Variants in OSBPL3 observed in about 807,000 individuals in gnomAD.
The protein encoded by OSBPL3 is oxysterol binding protein like 3.
Under a neutral mutation model 120.1 loss-of-function variants are expected in OSBPL3, and 65 were observed. The ratio of observed to expected loss-of-function variants is 0.54; its 90% CI spans 0.44 to 0.67. OSBPL3 has a LOEUF of 0.67. Ranked by LOEUF, OSBPL3 falls within the 30% of genes least tolerant of loss-of-function variation. OSBPL3 has a pLI of 0.00. For missense variants in OSBPL3, 1,004 were observed against 1,082.1 expected (o/e 0.93, Z 1.01); for synonymous variants, 416 against 402.6 (o/e 1.03, Z -0.40).
rs930143136 is a variant in OSBPL3, at chr7:24,968,938, T to C, written c.-150+10948A>G. Among the ~76,000 whole-genome samples, 1 of 152,238 alleles carries C rather than the reference T, an allele frequency of 6.6e-6. No homozygotes were observed. Among genetic ancestry groups the C allele is most frequent in the Non-Finnish European group, 1.5e-5 (1 of 68,048 alleles). ...AAATTAAGTTACTTGCAATCTGGTATTTATTCAAATACTCCAAGAAACAAT... is the reference window on the plus strand; with the variant it reads ...AAATTAAGTTACTTGCAATCTGGTACTTATTCAAATACTCCAAGAAACAAT... On this transcript the variant is annotated intron_variant, in intron 1 of 22. Transcript: ENST00000313367. This position sits in a 1 kb window ranked among gnomAD's most constrained non-coding sequence, Gnocchi z 4.6.
In OSBPL3 at chr7:24,885,050, G is replaced by A. The variant is rs1271701067; in HGVS notation, c.96+7327C>T. 2.0e-5 allele frequency among the ~76,000 whole-genome samples: 3 copies of A among 152,086 alleles called. No homozygotes were observed. The East Asian group carries it at 5.8e-4, about 29-fold the overall frequency. The stretch of plus-strand genomic sequence containing the variant: ...TGTAATCCCAGCACTTTGGTAGGCC[G>A]AAGGGGGTGGATCACCTGAGGGCAT... On this transcript the variant is annotated intron_variant, in intron 2 of 22. Transcript: ENST00000313367.
intron 2 of OSBPL3, among the ~76,000 whole-genome samples, chr7:24,882,972 A>G (rs1326542028): frequency 6.6e-6 from 1 of 152,132 alleles, no homozygotes; most frequent in Non-Finnish European, 1.5e-5. Context: ...TATTCTGGAT[A>G]TTAGTTCCCT....
intron 1 of OSBPL3, among the ~76,000 whole-genome samples, chr7:24,921,528 T>TA (rs1227753311): frequency 6.6e-6 from 1 of 152,178 alleles, no homozygotes; most frequent in Non-Finnish European, 1.5e-5. Flanking sequence ...CACTTAAAGC[T>TA]AAACACGCCT....
chr7:24,909,002 T>C (rs1288357597), intron 1 of OSBPL3, among the ~76,000 whole-genome samples: 1 of 152,234 alleles, frequency 6.6e-6, no homozygotes, highest in African/African-American at 2.4e-5. Flanking sequence ...ATGGTCTACC[T>C]TTCCCCAAAA....
rs1816685514 is a variant in OSBPL3, at chr7:24,968,834, C to T, written c.-150+11052G>A. Among the ~76,000 whole-genome samples, 1 of 152,172 alleles carries T rather than the reference C, an allele frequency of 6.6e-6. No individual in the cohort carries two copies. Among genetic ancestry groups the T allele is most frequent in the Non-Finnish European group, 1.5e-5 (1 of 68,040 alleles). The stretch of plus-strand genomic sequence containing the variant: ...TTTCTTAACTTCACAATAAATCTCA[C>T]ATATCATTCCATATCAGAAAATGTA... On this transcript the variant is annotated intron_variant, in intron 1 of 22. Coordinates refer to ENST00000313367, the MANE Select transcript of OSBPL3 (RefSeq NM_015550.4). The surrounding 1 kb of genome is among the most constrained non-coding windows in gnomAD (Gnocchi z 4.6).
intron 1 of OSBPL3, among the ~76,000 whole-genome samples, chr7:24,914,271 A>T (rs1809244964): frequency 6.6e-6 from 1 of 151,878 alleles, no homozygotes; most frequent in Admixed American, 6.6e-5. Flanking sequence ...ATTGGACAGC[A>T]GAGCCAGTAT....
rs370235398 is a variant in OSBPL3, at chr7:24,827,799, T to C, written c.1884+2969A>G. ...ATGATCAGGACTGGTGGTATGACCA[T>C]GGTGAAGCCAGCTGTGAGAACTCCT... On this transcript the variant is annotated intron_variant, in intron 16 of 22. Coordinates refer to ENST00000313367, the MANE Select transcript of OSBPL3 (RefSeq NM_015550.4). This position sits in a 1 kb window ranked among gnomAD's most constrained non-coding sequence, Gnocchi z 5.1. Among the ~76,000 whole-genome samples the C allele has an allele frequency of 6.6e-6, 1 of 152,192 alleles. No homozygotes were observed. The highest frequency in any genetic ancestry group is 1.5e-5 in the Non-Finnish European group (1 of 68,032).
chr7:24,893,755 G>T (rs1214134762), intron 1 of OSBPL3, among the ~76,000 whole-genome samples: 1 of 136,014 alleles, frequency 7.4e-6, no homozygotes, highest in East Asian at 2.5e-4. Context: ...GGGCGGGGGG[G>T]ACGGGGGGGT....
rs1337852797 is a variant in OSBPL3, at chr7:24,955,024, GGT to G, written c.-150+24860_-150+24861del. ...GCCTCAAAGATCCATAATGTGCCTT[GGT>G]TACCTCTTGATTCTCAGTATCTGAC... On this transcript the variant is annotated intron_variant, in intron 1 of 22. Coordinates refer to ENST00000313367, the MANE Select transcript of OSBPL3 (RefSeq NM_015550.4). This position sits in a 1 kb window ranked among gnomAD's most constrained non-coding sequence, Gnocchi z 4.3. Among the ~76,000 whole-genome samples the G allele has an allele frequency of 1.3e-5, 2 of 152,070 alleles. No homozygotes were observed. Among genetic ancestry groups the G allele is most frequent in the Non-Finnish European group, 1.5e-5 (1 of 68,022 alleles).
Position 24,796,824 on chromosome 7 carries a change from C to T in OSBPL3, c.*3359G>A, listed in dbSNP as rs1433538162. On this transcript the variant is annotated 3_prime_UTR_variant, in exon 23 of 23. Coordinates refer to ENST00000313367, the MANE Select transcript of OSBPL3 (RefSeq NM_015550.4). The surrounding 1 kb of genome is among the most constrained non-coding windows in gnomAD (Gnocchi z 5.2). Reference sequence around the variant, plus strand: ...TCATGATTTGCAGATATTTACATGACGCAGGTTTCCAACACAGAAAAATGA... The same window carrying T: ...TCATGATTTGCAGATATTTACATGATGCAGGTTTCCAACACAGAAAAATGA... 3 of 152,126 alleles carry T rather than the reference C, an allele frequency of 2.0e-5. No individual in the cohort carries two copies. Among genetic ancestry groups the T allele is most frequent in the Non-Finnish European group, 2.9e-5 (2 of 68,036 alleles). 9.4% of individuals were successfully genotyped at this position (152,126 alleles called of 1,614,324 possible).
At chr7:24,812,361 A>G (rs1456644062) in intron 19 of OSBPL3, among the ~76,000 whole-genome samples, 1 of 151,776 alleles carries the variant, frequency 6.6e-6, no homozygotes, top group African/African-American at 2.4e-5. Context: ...CAGTTTCTAT[A>G]TATCAAGCGA....
rs35822961 is a variant in OSBPL3 at position 24,819,333 on chromosome 7, G to A, written c.1948+842C>T. On this transcript the variant is annotated intron_variant, in intron 17 of 22. Transcript: ENST00000313367. The surrounding 1 kb of genome is among the most constrained non-coding windows in gnomAD (Gnocchi z 4.1). ...ATGAGTGAGATTTACCAATTAGGAG[G>A]CTAGGAACCTTATGAGAATATTTCC... Among the ~76,000 whole-genome samples the A allele has an allele frequency of 0.1, 15,306 of 152,068 alleles. 1,224 individuals carry two copies. The highest frequency in any genetic ancestry group is 0.26 in the East Asian group (1,367 of 5,180).
In OSBPL3 at chr7:24,805,808, A is replaced by G. The variant is rs1792958038; in HGVS notation, c.2444+968T>C. On this transcript the variant is annotated intron_variant, in intron 21 of 22. Coordinates refer to ENST00000313367, the MANE Select transcript of OSBPL3 (RefSeq NM_015550.4). This position sits in a 1 kb window ranked among gnomAD's most constrained non-coding sequence, Gnocchi z 4.0. Reference sequence around the variant, plus strand: ...CCCTGCAAAATGAATTTACCTCCCTATGTCCATTTTTTCTAATGGGTTGAT... The same window carrying G: ...CCCTGCAAAATGAATTTACCTCCCTGTGTCCATTTTTTCTAATGGGTTGAT... Among the ~76,000 whole-genome samples, 1 of 152,100 alleles carries G rather than the reference A, an allele frequency of 6.6e-6. No homozygotes were observed. The highest frequency in any genetic ancestry group is 1.5e-5 in the Non-Finnish European group (1 of 68,028).
At chr7:24,887,944 G>A (rs1187469257) in intron 2 of OSBPL3, among the ~76,000 whole-genome samples, 2 of 152,132 alleles carry the variant, frequency 1.3e-5, no homozygotes, top group Non-Finnish European at 2.9e-5. Context: ...ACTTGTTTTA[G>A]GTATAGGTTA....
In OSBPL3 at chr7:24,891,865, C is replaced by A. The variant is rs75670029; in HGVS notation, c.96+512G>T. 0.014 allele frequency among the ~76,000 whole-genome samples: 2,085 copies of A among 152,260 alleles called. 46 individuals carry two copies. The highest frequency in any genetic ancestry group is 0.042 in the African/African-American group (1,752 of 41,534). On this transcript the variant is annotated intron_variant, in intron 2 of 22. Coordinates refer to ENST00000313367, the MANE Select transcript of OSBPL3 (RefSeq NM_015550.4). The surrounding 1 kb of genome is among the most constrained non-coding windows in gnomAD (Gnocchi z 4.1). ...GATATAAAGCAGGTGAGTCTCGAAG[C>A]TACTAACAGGGCAATCTGTGGTTAC...
chr7:24,834,467 G>C lies in OSBPL3; in HGVS notation c.1746+19C>G. 1 of 1,599,550 alleles carries C rather than the reference G, an allele frequency of 6.3e-7. No individual in the cohort carries two copies. The highest frequency in any genetic ancestry group is 1.1e-5 in the South Asian group (1 of 88,462). Reference sequence around the variant, plus strand: ...GGGGACCGAGGCTGGACAGTGGCAAGGGAAGGCTGACTCCTCACCATCCTT... The same window carrying C: ...GGGGACCGAGGCTGGACAGTGGCAACGGAAGGCTGACTCCTCACCATCCTT... On this transcript the variant is annotated intron_variant, in intron 15 of 22. Coordinates refer to ENST00000313367, the MANE Select transcript of OSBPL3 (RefSeq NM_015550.4). The surrounding 1 kb of genome is among the most constrained non-coding windows in gnomAD (Gnocchi z 5.2).
rs1389240342 is a variant in OSBPL3 at position 24,912,957 on chromosome 7, G to A, written c.-149-20336C>T. On this transcript the variant is annotated intron_variant, in intron 1 of 22. Transcript: ENST00000313367. The surrounding 1 kb of genome is among the most constrained non-coding windows in gnomAD (Gnocchi z 4.5). Reference sequence around the variant, plus strand: ...CCCTTCAACTCAGCCACCACGATGTGAGTAAGCTCAAGCTAGCCAACATGG... The same window carrying A: ...CCCTTCAACTCAGCCACCACGATGTAAGTAAGCTCAAGCTAGCCAACATGG... 6.6e-6 allele frequency among the ~76,000 whole-genome samples: 1 copy of A among 152,218 alleles called. No individual in the cohort carries two copies. Among genetic ancestry groups the A allele is most frequent in the African/African-American group, 2.4e-5 (1 of 41,452 alleles).
intron 12 of OSBPL3, among the ~76,000 whole-genome samples, chr7:24,845,312 TG>T (rs954655026): frequency 2.1e-5 from 3 of 143,062 alleles, no homozygotes; most frequent in Non-Finnish European, 3.0e-5. Context: ...AGAGGCTGGA[TG>T]AAGGCTGCAT....
Position 24,804,236 on chromosome 7 carries a change from T to C in OSBPL3, c.2567+79A>G, listed in dbSNP as rs1584168164. On this transcript the variant is annotated intron_variant, in intron 22 of 22. Coordinates refer to ENST00000313367, the MANE Select transcript of OSBPL3 (RefSeq NM_015550.4). This position sits in a 1 kb window ranked among gnomAD's most constrained non-coding sequence, Gnocchi z 5.4. ...GAATGCTCTTATCTGGGGACAGTAC[T>C]GTTCACTTTCTGCAAACCAGAAGCA... The C allele has an allele frequency of 6.5e-7, 1 of 1,539,338 alleles. No individual in the cohort carries two copies. The highest frequency in any genetic ancestry group is 2.2e-5 in the East Asian group (1 of 44,558).
Sources: gnomAD v4.1 joint callset for allele counts (sites outside exome capture counted in the v4.1 genomes callset) on GRCh38, gnomAD v4.1.1 for gene constraint, Gnocchi (gnomAD v3.1) non-coding constraint, MANE v1.5 for transcripts, NCBI Gene and HGNC (gene_info 2026-07-23, HGNC 2026-07-21) for gene names.